HHIPL2: variants seen among roughly 807,000 people sequenced by gnomAD.
HHIPL2 encodes HHIP-like protein 2.
HHIPL2 carries 61 observed loss-of-function variants against 61.0 expected under a neutral mutation model. The ratio of observed to expected loss-of-function variants is 1.00; its 90% confidence interval spans 0.81 to 1.24. The LOEUF is 1.24. Among genes scored for constraint, HHIPL2 ranks in the 50% most tolerant of loss-of-function variants. HHIPL2 has a pLI of 0.00. For missense variants in HHIPL2, 885 were observed against 910.2 expected (o/e 0.97, Z 0.36); for synonymous variants, 343 against 357.4 (o/e 0.96, Z 0.45).
At position 222,542,126 on chromosome 1, in the gene HHIPL2, G is replaced by C. The variant is rs774424330; in HGVS notation, c.1004C>G (p.Ser335Ter). 4.3e-6 allele frequency: 7 copies of C among 1,613,698 alleles called. No individual in the cohort carries two copies. The African/African-American group carries it at 8.0e-5, about 18-fold the overall frequency. Residue 335 changes from serine (S) to a stop codon, truncating the protein, a stop_gained, in exon 3 of 9, where the codon TCA (serine) becomes TGA (stop). Transcript: ENST00000343410. LOFTEE classifies it high-confidence loss of function. ...RVILEIEEPA[S>*]NHNGGQLLFG... Reference sequence around the variant, plus strand: ...AAGAAGTTGTCCGCCATTATGGTTTGAGGCTGGTTCTTCAATCTCCAAGAT... The same window carrying C: ...AAGAAGTTGTCCGCCATTATGGTTTCAGGCTGGTTCTTCAATCTCCAAGAT...
In HHIPL2 at chr1:222,522,541, T is replaced by C; in HGVS notation, c.*60A>G. ...TAAGGTCTTTATTCAGCAGTGACTT[T>C]CATTTGATGAGGTGGCTCTCCTCTC... is the stretch of plus-strand genomic sequence containing the variant. On this transcript the variant is annotated 3_prime_UTR_variant, in exon 9 of 9. Transcript: ENST00000343410. 1.3e-6 allele frequency: 2 copies of C among 1,553,884 alleles called. No individual in the cohort carries two copies. The highest frequency in any genetic ancestry group is 3.6e-5 in the Admixed American group (2 of 55,970).
intron 6 of HHIPL2, among the ~76,000 whole-genome samples, chr1:222,527,891 T>C (rs755682766): frequency 2.0e-5 from 3 of 152,206 alleles, no homozygotes; most frequent in Non-Finnish European, 4.4e-5. Flanking sequence ...TCCACCATGA[T>C]TGTGAAGCCT....
chr1:222,533,182 T>C (rs768308443), intron 5 of HHIPL2, among the ~76,000 whole-genome samples: 2 of 151,948 alleles, frequency 1.3e-5, no homozygotes, highest in Admixed American at 6.6e-5. Context: ...CTGACCAACA[T>C]GGCAAAACCC....
intron 5 of HHIPL2, 96 bp downstream of exon 5, chr1:222,538,552 G>A: frequency 8.9e-7 from 1 of 1,122,456 alleles, no homozygotes; most frequent in Non-Finnish European, 1.3e-6. Context: ...TCAAACACCT[G>A]TGCTCTTACG....
At position 222,543,785 on chromosome 1, in the gene HHIPL2, C is replaced by A; in HGVS notation, c.726G>T (p.Trp242Cys). 6.2e-7 allele frequency: 1 copy of A among 1,614,010 alleles called. No homozygotes were observed. The highest frequency in any genetic ancestry group is 8.5e-7 in the Non-Finnish European group (1 of 1,179,990). Residue 242 changes from tryptophan (W) to cysteine (C), a missense_variant, in exon 2 of 9, where the codon TGG (tryptophan) becomes TGT (cysteine). Physicochemically the swap from Trp to Cys is radical, Grantham distance 215. Transcript: ENST00000343410. ...FFVAEQVGVV[W>C]VYLPDGSRLE... is the part of the protein sequence containing the mutation. ...GGCGACTCCCATCAGGGAGGTAGAC[C>A]CACACCACTCCTACCTGCTCGGCAA... is the stretch of plus-strand genomic sequence containing the variant.
In HHIPL2 at chr1:222,543,962, A is replaced by T. The variant is rs1011268149; in HGVS notation, c.549T>A (p.Asn183Lys). The change falls in exon 2 of 9, where the codon AAT becomes AAA. Residue 183 changes from asparagine to lysine, a missense_variant. Coordinates refer to ENST00000343410, the MANE Select transcript of HHIPL2 (RefSeq NM_024746.4). ...DLPDKDYCFP[N>K]VLRNDYLNRH... Reference sequence around the variant, plus strand: ...GGTTGAGATAGTCGTTCCTCAGGACATTAGGGAAGCAATAGTCCTTGTCAG... The same window carrying T: ...GGTTGAGATAGTCGTTCCTCAGGACTTTAGGGAAGCAATAGTCCTTGTCAG... 1 of 1,614,182 alleles carries T rather than the reference A, an allele frequency of 6.2e-7. No homozygotes were observed.
chr1:222,538,449 G>T (rs995371447), intron 5 of HHIPL2, among the ~76,000 whole-genome samples, 199 bp downstream of exon 5: 19 of 150,436 alleles, frequency 1.3e-4, no homozygotes, highest in African/African-American at 4.2e-4. Flanking sequence ...GAGAGAGAGA[G>T]GTAATAGACA....
At chr1:222,533,252 C>T (rs1659229979) in intron 5 of HHIPL2, among the ~76,000 whole-genome samples, 1 of 151,854 alleles carries the variant, frequency 6.6e-6, no homozygotes, top group African/African-American at 2.4e-5. Context: ...GTAGTTCCAG[C>T]TGCTTGGGAG....
chr1:222,532,518 G>A (rs1334125902), intron 5 of HHIPL2, among the ~76,000 whole-genome samples: 1 of 151,716 alleles, frequency 6.6e-6, no homozygotes, highest in Non-Finnish European at 1.5e-5. Flanking sequence ...GGAGGCTGAG[G>A]CACAAGAAAT....
At position 222,543,849 on chromosome 1, in the gene HHIPL2, G is replaced by T; in HGVS notation, c.662C>A (p.Ser221Tyr). ...GGTGCCGTCCCCAGCATGGACCATGGAGACGGGGTTCCTCAGCCCGTTGGC... is the reference window on the plus strand; with the variant it reads ...GGTGCCGTCCCCAGCATGGACCATGTAGACGGGGTTCCTCAGCCCGTTGGC... The part of the protein sequence containing the change: ...EVANGLRNPV[S>Y]MVHAGDGTHR... Residue 221 changes from serine (S) to tyrosine (Y), a missense_variant, in exon 2 of 9, where the codon TCC (serine) becomes TAC (tyrosine). Transcript: ENST00000343410. 1 of 1,614,178 alleles carries T rather than the reference G, an allele frequency of 6.2e-7. No individual in the cohort carries two copies. The highest frequency in any genetic ancestry group is 8.5e-7 in the Non-Finnish European group (1 of 1,180,036).
At chr1:222,536,217 T>C (rs903234557) in intron 5 of HHIPL2, among the ~76,000 whole-genome samples, 6 of 151,992 alleles carry the variant, frequency 3.9e-5, no homozygotes, top group Non-Finnish European at 7.4e-5. Flanking sequence ...CTGGTTCTTA[T>C]AGAAGATCAA....
chr1:222,545,354 C>G (rs1192752897), intron 1 of HHIPL2, among the ~76,000 whole-genome samples: 1 of 152,182 alleles, frequency 6.6e-6, no homozygotes, highest in Non-Finnish European at 1.5e-5. Flanking sequence ...TCCCTGTTCT[C>G]TCTTATTTCC....
Position 222,538,794 on chromosome 1 carries a change from GA to G in HHIPL2, c.1451-21del, listed in dbSNP as rs1659363039. 5.0e-6 allele frequency: 8 copies of G among 1,612,164 alleles called. No homozygotes were observed. Among genetic ancestry groups the G allele is most frequent in the Non-Finnish European group, 6.8e-6 (8 of 1,179,348 alleles). On this transcript the variant is annotated intron_variant, in intron 4 of 8. Transcript: ENST00000343410. Reference sequence around the variant, plus strand: ...CATCATCTGTCCAGGAGAGAGGAAAGAGAGTGAGTGTCGTGGCCTAAAATTG... The same window carrying G: ...CATCATCTGTCCAGGAGAGAGGAAAGGAGTGAGTGTCGTGGCCTAAAATTG...
chr1:222,538,579 T>C lies in HHIPL2; in HGVS notation c.1577+69A>G, dbSNP rs542778618. 2.4e-4 allele frequency: 325 copies of C among 1,380,180 alleles called. 1 individual carries two copies. Among genetic ancestry groups the C allele is most frequent in the Non-Finnish European group, 3.1e-4 (304 of 982,188 alleles). The allele number at this position is 1,380,180 out of a possible 1,614,324, so 85.5% of individuals were successfully genotyped here. A position where few individuals can be genotyped will look rare whatever the true frequency, so the allele number is the denominator to read the frequency against. On this transcript the variant is annotated intron_variant, in intron 5 of 8. Transcript: ENST00000343410. ...GCTCTTACGTGATTATATTTCACCA[T>C]ATGTAAGTTATACCTCAGTAAAAAT...
chr1:222,546,085 G>C (rs892711652), intron 1 of HHIPL2, among the ~76,000 whole-genome samples: 9 of 43,758 alleles, frequency 2.1e-4, no homozygotes, highest in African/African-American at 7.0e-4. Flanking sequence ...AGTCCTATGT[G>C]ACTCTCCTGT....
Position 222,547,923 on chromosome 1 carries a change from C to A in HHIPL2, c.122G>T (p.Gly41Val). ...CCCGTAATCCAGGCACTGGGGGTGT[C>A]CCTGCAGCAAGCCCACCTGGCCCAA... ...FLLGQVGLLQGHPQCLDYGPP... is the reference protein window; with the variant it reads ...FLLGQVGLLQVHPQCLDYGPP... The change falls in exon 1 of 9, where the codon GGA (glycine) becomes GTA (valine). Residue 41 changes from glycine to valine, a missense_variant. Physicochemically the swap from Gly to Val is moderately radical, Grantham distance 109. Coordinates refer to ENST00000343410, the MANE Select transcript of HHIPL2 (RefSeq NM_024746.4). 1 of 1,613,094 alleles carries A rather than the reference C, an allele frequency of 6.2e-7. No individual in the cohort carries two copies. The highest frequency in any genetic ancestry group is 8.5e-7 in the Non-Finnish European group (1 of 1,179,314).
At chr1:222,539,960 C>T (rs1287181347) in intron 4 of HHIPL2, 50 bp downstream of exon 4, 3 of 1,495,856 alleles carry the variant, frequency 2.0e-6, no homozygotes, top group South Asian at 2.4e-5. Flanking sequence ...ACCTCCACCT[C>T]CAGCCCACTC....
intron 4 of HHIPL2, 65 bp from the exon 5 acceptor site, chr1:222,538,839 A>G (rs1295741124): frequency 6.3e-7 from 1 of 1,575,150 alleles, no homozygotes; most frequent in Non-Finnish European, 8.7e-7. Flanking sequence ...AAGGAGGAAG[A>G]AGGGGACTTT....
intron 3 of HHIPL2, among the ~76,000 whole-genome samples, chr1:222,541,558 G>T (rs925081562): frequency 1.3e-5 from 2 of 152,070 alleles, no homozygotes; most frequent in African/African-American, 2.4e-5. Flanking sequence ...GCCCTTGAAG[G>T]TTGCTAAAAT....
Sources: allele counts gnomAD v4.1 joint callset (sites outside exome capture counted in the v4.1 genomes callset), GRCh38; gene constraint gnomAD v4.1.1; transcripts MANE v1.5; gene names NCBI Gene and HGNC (gene_info 2026-07-23, HGNC 2026-07-21).